OXR1: variants seen among roughly 807,000 people sequenced by gnomAD.
OXR1 encodes the protein oxidation resistance 1.
A neutral mutation model predicts 104.6 loss-of-function variants in OXR1; 41 were observed. That is an observed-to-expected ratio of 0.39 (90% CI 0.31 to 0.51). The LOEUF is 0.51. Among genes scored for constraint, OXR1 ranks in the 20% least tolerant of loss-of-function variants. OXR1 has a pLI of 0.77. For synonymous variants in OXR1, 348 were observed against 348.4 expected, an observed-to-expected ratio of 1.00 and a Z score of 0.01; for missense variants, 955 against 1,031.9, an observed-to-expected ratio of 0.93 and a Z score of 1.02.
At chr8:106,575,985 A>AAC (rs35038334) in intron 3 of OXR1, among the ~76,000 whole-genome samples, 15,221 of 144,278 alleles carry the variant, frequency 0.11, 825 homozygotes, top group Middle Eastern at 0.18. Context: ...AAATGTTTAT[A>AAC]ACACACACAC....
At chr8:106,644,933 C>T (rs1823951042) in intron 3 of OXR1, among the ~76,000 whole-genome samples, 1 of 152,172 alleles carries the variant, frequency 6.6e-6, no homozygotes, top group Admixed American at 6.5e-5. Flanking sequence ...AAAAGTTCCA[C>T]AGCTGATTCT....
At chr8:106,743,245 T>A (rs547215350) in intron 15 of OXR1, among the ~76,000 whole-genome samples, 1 of 152,204 alleles carries the variant, frequency 6.6e-6, no homozygotes, top group East Asian at 1.9e-4. Context: ...CTCACTCCAG[T>A]CAGAATGGCT....
At chr8:106,692,246 G>C (rs553228808) in intron 6 of OXR1, among the ~76,000 whole-genome samples, 1 of 152,092 alleles carries the variant, frequency 6.6e-6, no homozygotes, top group East Asian at 1.9e-4. Flanking sequence ...GATTTAAAAG[G>C]CTATTCCAGT....
intron 3 of OXR1, among the ~76,000 whole-genome samples, chr8:106,523,073 A>G (rs1813377531): frequency 6.6e-6 from 1 of 152,022 alleles, no homozygotes; most frequent in South Asian, 2.1e-4. Context: ...GGGCTGAGCT[A>G]CCCGTTCCTT....
intron 11 of OXR1, among the ~76,000 whole-genome samples, chr8:106,721,842 G>A (rs1832850014): frequency 6.6e-6 from 1 of 152,102 alleles, no homozygotes; most frequent in African/African-American, 2.4e-5. Flanking sequence ...CCCGTTCTTA[G>A]CATTGTAGGC....
At chr8:106,701,159 T>G (rs1830555148) in intron 7 of OXR1, among the ~76,000 whole-genome samples, 1 of 152,274 alleles carries the variant, frequency 6.6e-6, no homozygotes, top group African/African-American at 2.4e-5. Flanking sequence ...AAATAGGCTG[T>G]AGTTTATATA....
At chr8:106,530,099 A>C (rs1813982183) in intron 3 of OXR1, among the ~76,000 whole-genome samples, 1 of 152,206 alleles carries the variant, frequency 6.6e-6, no homozygotes. Context: ...TATTTTAAAC[A>C]TTTATAGATA....
chr8:106,380,577 A>C (rs1817102664), intron 2 of OXR1, among the ~76,000 whole-genome samples: 1 of 152,158 alleles, frequency 6.6e-6, no homozygotes, highest in Admixed American at 6.5e-5. Flanking sequence ...CCCATTCTAC[A>C]TTCCCACCTA....
intron 7 of OXR1, chr8:106,698,021 G>T: frequency 1.2e-6 from 2 of 1,602,676 alleles, no homozygotes; most frequent in Non-Finnish European, 8.5e-7. Context: ...CATTCCAATG[G>T]GTGGCGGTGG....
At chr8:106,668,730 T>A (rs769593725) in intron 3 of OXR1, among the ~76,000 whole-genome samples, 6 of 152,208 alleles carry the variant, frequency 3.9e-5, no homozygotes, top group Non-Finnish European at 7.3e-5. Flanking sequence ...CATGACTAAT[T>A]TAGAAACCAT....
chr8:106,730,875 T>A (rs1449707614), intron 11 of OXR1, among the ~76,000 whole-genome samples: 1 of 151,410 alleles, frequency 6.6e-6, no homozygotes, highest in Non-Finnish European at 1.5e-5. Flanking sequence ...AGTTAGACCT[T>A]GTCTTTAAAA....
chr8:106,283,123 A>G (rs1812357563), intron 1 of OXR1, among the ~76,000 whole-genome samples: 2 of 152,156 alleles, frequency 1.3e-5, no homozygotes, highest in Non-Finnish European at 2.9e-5. Context: ...GCCAGATGTC[A>G]GCTATGCAAT....
At chr8:106,388,665 G>T (rs934413690) in intron 2 of OXR1, among the ~76,000 whole-genome samples, 4 of 152,046 alleles carry the variant, frequency 2.6e-5, no homozygotes, top group Non-Finnish European at 5.9e-5. Context: ...CTTGTGATCC[G>T]CCCGCCTCGG....
At chr8:106,520,946 G>C (rs1020981092) in intron 3 of OXR1, among the ~76,000 whole-genome samples, 20 of 152,006 alleles carry the variant, frequency 1.3e-4, no homozygotes, top group African/African-American at 4.8e-4. Flanking sequence ...CAAAAGGGGT[G>C]GATTGCAAAA....
chr8:106,666,613 A>G (rs1310335247), intron 3 of OXR1, among the ~76,000 whole-genome samples: 3 of 152,152 alleles, frequency 2.0e-5, no homozygotes, highest in Non-Finnish European at 4.4e-5. Flanking sequence ...GCCAAGGAGT[A>G]GAGTAAGGAT....
chr8:106,270,190 G>T lies in OXR1; in HGVS notation c.-316G>T, dbSNP rs1287058232. 6.6e-6 allele frequency: 1 copy of T among 152,234 alleles called. No homozygotes were observed. The highest frequency in any genetic ancestry group is 2.4e-5 in the African/African-American group (1 of 41,460). 9.4% of individuals were successfully genotyped at this position (152,234 alleles called of 1,614,324 possible). ...CCGGAAACTGAGCATGTCTGCAAGC[G>T]CTCAGCGGCGCCGGCAGCAGCGGGG... On this transcript the variant is annotated 5_prime_UTR_variant, in exon 1 of 17. Transcript: ENST00000517566.
At chr8:106,380,375 G>A (rs1586585989) in intron 2 of OXR1, among the ~76,000 whole-genome samples, 1 of 152,142 alleles carries the variant, frequency 6.6e-6, no homozygotes, top group East Asian at 1.9e-4. Context: ...ATCAATGGAG[G>A]GACATTTGGG....
chr8:106,538,243 T>G (rs1175341390), intron 3 of OXR1, among the ~76,000 whole-genome samples: 1 of 152,208 alleles, frequency 6.6e-6, no homozygotes, highest in Non-Finnish European at 1.5e-5. Context: ...ATTCTTGAAT[T>G]TTAATATTTT....
intron 2 of OXR1, among the ~76,000 whole-genome samples, chr8:106,398,719 G>C (rs1419515023): frequency 1.3e-5 from 2 of 151,928 alleles, no homozygotes; most frequent in African/African-American, 2.4e-5. Flanking sequence ...ATGTGTTCAA[G>C]GGGGTTTGAG....
Sources: allele counts gnomAD v4.1 joint callset (sites outside exome capture counted in the v4.1 genomes callset), GRCh38; gene constraint gnomAD v4.1.1; transcripts MANE v1.5; gene names NCBI Gene and HGNC (gene_info 2026-07-23, HGNC 2026-07-21).